DLG2: variants seen among roughly 807,000 people sequenced by gnomAD.
DLG2 encodes the protein disks large homolog 2.
DLG2 carries 45 observed loss-of-function variants against 132.5 expected under a neutral mutation model. That is an observed-to-expected ratio of 0.34 (90% CI 0.27 to 0.44). The LOEUF (loss-of-function observed/expected upper bound fraction) is 0.44, where lower values mean the gene tolerates loss of function less well. DLG2 is among the 20% of genes least tolerant of loss of function. The pLI is 1.00. For synonymous variants in DLG2, 424 were observed against 419.6 expected, an observed-to-expected ratio of 1.01 and a Z score of -0.13; for missense variants, 1,045 against 1,196.9, an observed-to-expected ratio of 0.87 and a Z score of 1.87.
chr11:83,540,548 T>C (rs1173008186), intron 20 of DLG2, among the ~76,000 whole-genome samples: 6 of 152,154 alleles, frequency 3.9e-5, no homozygotes, highest in African/African-American at 1.4e-4. Context: ...CTGCTTTCCA[T>C]GTCCCATTCT....
At chr11:83,545,854 T>A (rs564053058) in intron 19 of DLG2, among the ~76,000 whole-genome samples, 14 of 152,318 alleles carry the variant, frequency 9.2e-5, no homozygotes, top group African/African-American at 3.4e-4. Flanking sequence ...CAGCAGCTTC[T>A]GGCTCCTTTG....
intron 11 of DLG2, among the ~76,000 whole-genome samples, chr11:83,982,911 T>A (rs529710040): frequency 3.1e-4 from 47 of 152,270 alleles, no homozygotes; most frequent in Admixed American, 3.1e-3. Context: ...TTGCCTACAG[T>A]ACGCAGTATA....
chr11:84,990,492 C>T (rs1461117202), intron 6 of DLG2, among the ~76,000 whole-genome samples: 1 of 152,038 alleles, frequency 6.6e-6, no homozygotes, highest in Non-Finnish European at 1.5e-5. Flanking sequence ...TCATCGGACA[C>T]CAAATCTGCT....
At chr11:84,064,041 A>T (rs1008333575) in intron 10 of DLG2, among the ~76,000 whole-genome samples, 2 of 152,178 alleles carry the variant, frequency 1.3e-5, no homozygotes, top group Non-Finnish European at 2.9e-5. Context: ...ACAGCACACC[A>T]ACATAGCACA....
Position 84,465,561 on chromosome 11 carries a change from TA to T in DLG2, c.519+69008del, listed in dbSNP as rs1395928561. 3.3e-5 allele frequency among the ~76,000 whole-genome samples: 5 copies of T among 151,430 alleles called. No individual in the cohort carries two copies. The East Asian group carries it at 9.7e-4, about 29-fold the overall frequency. ...AGTTTAAAGTTTGCCATTTATACTC[TA>T]ATAATATTTATGCATGTGAAATCTC... On this transcript the variant is annotated intron_variant, in intron 7 of 27. Coordinates refer to ENST00000376104, the MANE Select transcript of DLG2 (RefSeq NM_001142699.3).
chr11:85,236,509 T>C (rs1486736803), intron 4 of DLG2, among the ~76,000 whole-genome samples: 1 of 152,028 alleles, frequency 6.6e-6, no homozygotes, highest in Non-Finnish European at 1.5e-5. Flanking sequence ...TGAATGAGGG[T>C]CTCACCCTGA....
intron 6 of DLG2, among the ~76,000 whole-genome samples, chr11:84,621,888 A>G (rs902361131): frequency 1.3e-4 from 20 of 152,180 alleles, no homozygotes; most frequent in African/African-American, 4.8e-4. Flanking sequence ...TTGTCAGCAC[A>G]TTGGGCTGGA....
intron 6 of DLG2, among the ~76,000 whole-genome samples, chr11:84,540,375 G>A (rs1271361392): frequency 6.7e-6 from 1 of 149,926 alleles, no homozygotes; most frequent in African/African-American, 2.4e-5. Context: ...ATCAAAAAGT[G>A]GGCAAAGGAT....
chr11:83,587,472 T>C (rs1414577300), intron 19 of DLG2, among the ~76,000 whole-genome samples: 1 of 152,178 alleles, frequency 6.6e-6, no homozygotes, highest in Non-Finnish European at 1.5e-5. Context: ...GATATTGCCA[T>C]GTTGCCCAGG....
chr11:85,022,702 TTCC>T (rs1297654523), intron 6 of DLG2, among the ~76,000 whole-genome samples: 1 of 152,140 alleles, frequency 6.6e-6, no homozygotes, highest in Non-Finnish European at 1.5e-5. Context: ...TTCTCTTTTC[TTCC>T]TCCTCATTAT....
chr11:84,879,732 T>A (rs189848497), intron 6 of DLG2, among the ~76,000 whole-genome samples: 2 of 152,266 alleles, frequency 1.3e-5, no homozygotes, highest in East Asian at 3.9e-4. Context: ...TATCTCAGAA[T>A]CATATGTATG....
intron 8 of DLG2, among the ~76,000 whole-genome samples, chr11:84,202,549 T>C (rs2096610010): frequency 2.6e-5 from 4 of 152,140 alleles, no homozygotes; most frequent in African/African-American, 4.8e-5. Context: ...ATTCAGGACA[T>C]AGGCACAGGC....
At chr11:84,882,582 TACTC>T (rs775081244) in intron 6 of DLG2, among the ~76,000 whole-genome samples, 5 of 152,180 alleles carry the variant, frequency 3.3e-5, no homozygotes, top group Admixed American at 1.3e-4. Flanking sequence ...GAGAAATATC[TACTC>T]ACTCTTCTTT....
At chr11:83,572,731 AGAGGCAGCTCACTCCTTAGT>A (rs1565861559) in intron 19 of DLG2, among the ~76,000 whole-genome samples, 3 of 152,188 alleles carry the variant, frequency 2.0e-5, no homozygotes, top group Non-Finnish European at 4.4e-5. Context: ...GCTGAGGTGG[AGAGGCAGCTCACTCCTTAGT>A]GAGGCAACTC....
At chr11:84,923,725 A>ACAGGAC in intron 6 of DLG2, 2 of 329,420 alleles carry the variant, frequency 6.1e-6, no homozygotes, top group Middle Eastern at 1.5e-3. Context: ...TCCATGTGGA[A>ACAGGAC]CAGGACCAGG....
chr11:83,604,256 G>A (rs2058998975), intron 19 of DLG2, among the ~76,000 whole-genome samples: 1 of 152,132 alleles, frequency 6.6e-6, no homozygotes, highest in Non-Finnish European at 1.5e-5. Flanking sequence ...GCTTCAAACT[G>A]CTTCCTTTAT....
At chr11:84,760,932 G>T (rs546403683) in intron 6 of DLG2, among the ~76,000 whole-genome samples, 1 of 152,014 alleles carries the variant, frequency 6.6e-6, no homozygotes, top group South Asian at 2.1e-4. Flanking sequence ...CATCCATCTC[G>T]CTGAGAGCCC....
chr11:84,500,184 G>C (rs1323639086), intron 7 of DLG2, among the ~76,000 whole-genome samples: 2 of 152,046 alleles, frequency 1.3e-5, no homozygotes, highest in African/African-American at 4.8e-5. Context: ...GGTACCATTA[G>C]ACAGGGTGGT....
chr11:83,607,582 T>C (rs1399125003), intron 19 of DLG2, among the ~76,000 whole-genome samples: 2 of 152,224 alleles, frequency 1.3e-5, no homozygotes, highest in African/African-American at 4.8e-5. Context: ...TTATTTAAAG[T>C]ATTTGATTAT....
Sources: gnomAD v4.1 joint callset for allele counts (sites outside exome capture counted in the v4.1 genomes callset) on GRCh38, gnomAD v4.1.1 for gene constraint, MANE v1.5 for transcripts, NCBI Gene and HGNC (gene_info 2026-07-23, HGNC 2026-07-21) for gene names.